CEP162: variants seen among roughly 807,000 people sequenced by gnomAD.
CEP162 encodes centrosomal protein 162.
CEP162 carries 141 observed loss-of-function variants against 169.2 expected under a neutral mutation model. The observed-to-expected ratio is 0.83, with a 90% confidence interval of 0.73 to 0.96. CEP162 has a LOEUF of 0.96. CEP162 is among the 40% of genes least tolerant of loss of function. The pLI is 0.00. For missense variants in CEP162, 1,600 were observed against 1,587.2 expected (o/e 1.01, Z -0.14); for synonymous variants, 540 against 526.4 (o/e 1.03, Z -0.35).
At chr6:84,151,534 T>G (rs2099521098) in intron 23 of CEP162, among the ~76,000 whole-genome samples, 2 of 152,104 alleles carry the variant, frequency 1.3e-5, no homozygotes, top group African/African-American at 2.4e-5. Context: ...GTTTCACATC[T>G]GAACTCAGCA....
intron 2 of CEP162, among the ~76,000 whole-genome samples, chr6:84,222,915 A>G (rs1163128865): frequency 6.6e-6 from 1 of 152,256 alleles, no homozygotes; most frequent in Admixed American, 6.5e-5. Context: ...AGGAGGGAAG[A>G]AAAAATATTC....
At chr6:84,202,794 AT>A (rs1469338812) in intron 7 of CEP162, among the ~76,000 whole-genome samples, 1 of 152,072 alleles carries the variant, frequency 6.6e-6, no homozygotes, top group Non-Finnish European at 1.5e-5. Context: ...TATTCCAAGT[AT>A]AAATCTCATT....
chr6:84,218,569 T>C (rs751085903), intron 3 of CEP162, among the ~76,000 whole-genome samples: 32 of 152,238 alleles, frequency 2.1e-4, no homozygotes, highest in Admixed American at 6.5e-4. Context: ...TGTTCTTTGT[T>C]TTCTTCAAAA....
intron 13 of CEP162, among the ~76,000 whole-genome samples, chr6:84,179,515 G>C (rs139222899): frequency 0.026 from 3,982 of 152,038 alleles, 161 homozygotes; most frequent in African/African-American, 0.092. Context: ...TTTTTGATGG[G>C]GTTGTTTTTT....
rs375738078 is a variant in CEP162 at position 84,208,019 on chromosome 6, AT to A, written c.572-3924del. 5.9e-3 allele frequency among the ~76,000 whole-genome samples: 788 copies of A among 132,848 alleles called. 3 individuals are homozygous for A. Among genetic ancestry groups the A allele is most frequent in the African/African-American group, 0.013 (466 of 36,048 alleles). 87.2% of individuals were successfully genotyped at this position (132,848 alleles called of 152,430 possible). On this transcript the variant is annotated intron_variant, in intron 6 of 26. Transcript: ENST00000403245. Reference sequence around the variant, plus strand: ...TGGATTTTGTTTTTCAGGTTGATTGATTTTTTTTTTTTTTTTTTGTCTCTAC... The same window carrying A: ...TGGATTTTGTTTTTCAGGTTGATTGATTTTTTTTTTTTTTTTTGTCTCTAC...
chr6:84,208,039 TCTCTACAGG>T (rs1303613551), intron 6 of CEP162, among the ~76,000 whole-genome samples: 2 of 148,516 alleles, frequency 1.3e-5, no homozygotes, highest in African/African-American at 5.0e-5. Flanking sequence ...TTTTTTTTTG[TCTCTACAGG>T]TATCTCTACT....
intron 17 of CEP162, 107 bp from the exon 18 acceptor site, chr6:84,169,540 G>C: frequency 1.7e-6 from 1 of 588,714 alleles, no homozygotes. Context: ...CATTGAAACT[G>C]TATGCATAAA....
chr6:84,134,812 C>A (rs529934062), intron 25 of CEP162, among the ~76,000 whole-genome samples: 3 of 152,072 alleles, frequency 2.0e-5, no homozygotes, highest in South Asian at 2.1e-4. Context: ...CAGCCTCCCC[C>A]CCACAGATTA....
In CEP162 at chr6:84,174,174, T is replaced by G. The variant is rs1274768161; in HGVS notation, c.2040A>C (p.Glu680Asp). The change falls in exon 16 of 27, where the codon GAA becomes GAC. Residue 680 changes from glutamate (E) to aspartate (D), a missense_variant. Physicochemically the swap from Glu to Asp is conservative, Grantham distance 45 (BLOSUM62 2). Coordinates refer to ENST00000403245, the MANE Select transcript of CEP162 (RefSeq NM_014895.4). ...YILQAKLSSF[E>D]ETNKKQRWLH... ...ACCACCTTTGTTTTTTGTTTGTTTC[T>G]TCAAAGCTGCTTAACTTGGAGAAAT... 1 of 1,605,262 alleles carries G rather than the reference T, an allele frequency of 6.2e-7. No individual in the cohort carries two copies. The highest frequency in any genetic ancestry group is 1.1e-5 in the South Asian group (1 of 89,484).
At position 84,201,425 on chromosome 6, in the gene CEP162, T is replaced by C. The variant is rs2099544453; in HGVS notation, c.718+312A>G. Among the ~76,000 whole-genome samples, 3 of 152,184 alleles carry C rather than the reference T, an allele frequency of 2.0e-5. No individual in the cohort carries two copies. The South Asian group carries it at 6.2e-4, about 31-fold the overall frequency. ...ATCTATGTGTGTGTGTGTGTATGTA[T>C]ATAACAAATATGATCTTCTTCCGAT... On this transcript the variant is annotated intron_variant, in intron 8 of 26. Transcript: ENST00000403245.
Position 84,193,696 on chromosome 6 carries a change from AGGTGG to A in CEP162, c.1028-11_1028-7del. On this transcript the variant is annotated splice_polypyrimidine_tract_variant and splice_region_variant and intron_variant, in intron 10 of 26. Transcript: ENST00000403245. ...CTCCTCTACTGTGGGCAGATCTAAGAGGTGGAAAAAAAAGTAGAAACGAAAAATGT... is the reference window on the plus strand; with the variant it reads ...CTCCTCTACTGTGGGCAGATCTAAGAAAAAAAAAGTAGAAACGAAAAATGT... The A allele has an allele frequency of 6.5e-7, 1 of 1,539,524 alleles. No homozygotes were observed. Among genetic ancestry groups the A allele is most frequent in the African/African-American group, 1.4e-5 (1 of 72,654 alleles).
chr6:84,169,242 A>G, intron 18 of CEP162, 86 bp downstream of exon 18: 1 of 751,882 alleles, frequency 1.3e-6, no homozygotes, highest in Admixed American at 3.2e-5. Flanking sequence ...ATTTCTATGT[A>G]ATTTTTTAAT....
At chr6:84,186,973 T>A (rs2099537456) in intron 11 of CEP162, among the ~76,000 whole-genome samples, 1 of 152,218 alleles carries the variant, frequency 6.6e-6, no homozygotes, top group Non-Finnish European at 1.5e-5. Flanking sequence ...ATATATCTTT[T>A]ATCTACAATT....
At chr6:84,143,884 A>G (rs1252903117) in intron 25 of CEP162, among the ~76,000 whole-genome samples, 1 of 151,976 alleles carries the variant, frequency 6.6e-6, no homozygotes, top group Non-Finnish European at 1.5e-5. Context: ...TTTTAGTAAA[A>G]TAACTTCCTG....
intron 18 of CEP162, among the ~76,000 whole-genome samples, chr6:84,168,101 T>C (rs1019002815): frequency 2.0e-5 from 3 of 152,200 alleles, no homozygotes; most frequent in African/African-American, 7.2e-5. Flanking sequence ...TTTCTGCCAT[T>C]AAAATATGTT....
rs1588747166 is a variant in CEP162 at position 84,155,601 on chromosome 6, T to C, written c.2782-91A>G. On this transcript the variant is annotated intron_variant, in intron 21 of 26. Coordinates refer to ENST00000403245, the MANE Select transcript of CEP162 (RefSeq NM_014895.4). ...GATACAATCTACAGAAATCTCTGTA[T>C]ACAGTAGCATTTCTATATACCAATA... 1.5e-5 allele frequency: 12 copies of C among 824,668 alleles called. No individual in the cohort carries two copies. The East Asian group carries it at 3.1e-4, about 21-fold the overall frequency. The allele number at this position is 824,668 out of a possible 1,614,324, so 51.1% of individuals were successfully genotyped here.
intron 25 of CEP162, among the ~76,000 whole-genome samples, chr6:84,145,470 C>T (rs2099518434): frequency 6.6e-6 from 1 of 152,050 alleles, no homozygotes; most frequent in African/African-American, 2.4e-5. Flanking sequence ...TTGTGATTAT[C>T]TCTGATAGAA....
intron 19 of CEP162, among the ~76,000 whole-genome samples, chr6:84,162,231 A>G (rs1219611294): frequency 6.6e-6 from 1 of 152,178 alleles, no homozygotes; most frequent in East Asian, 1.9e-4. Flanking sequence ...TAAATGTTGG[A>G]TTTAAGAAAT....
chr6:84,185,429 C>A lies in CEP162; in HGVS notation c.1421G>T (p.Ser474Ile). The A allele has an allele frequency of 3.1e-6, 5 of 1,613,350 alleles. No homozygotes were observed. The highest frequency in any genetic ancestry group is 3.4e-6 in the Non-Finnish European group (4 of 1,179,416). ...CATTACAGCCCCTTCTTCTTCAGAA[C>A]TAAGTTGAGATCTGTAAGTCTGTAC... ...KINKTYRSQL[S>I]SEEEGAVMGK... The change falls in exon 13 of 27, where the codon AGT (serine) becomes ATT (isoleucine). Residue 474 changes from serine to isoleucine, a missense_variant. Transcript: ENST00000403245.
Sources: allele counts gnomAD v4.1 joint callset (sites outside exome capture counted in the v4.1 genomes callset), GRCh38; gene constraint gnomAD v4.1.1; transcripts MANE v1.5; gene names NCBI Gene and HGNC (gene_info 2026-07-23, HGNC 2026-07-21).